Variants in RFTN1 observed in about 807,000 individuals in gnomAD.
RFTN1 encodes raftlin.
RFTN1 carries 26 observed loss-of-function variants against 46.5 expected under a neutral mutation model. The observed-to-expected ratio is 0.56, with a 90% CI of 0.41 to 0.78. The LOEUF is 0.78. Ranked by LOEUF, RFTN1 falls within the 30% of genes least tolerant of loss-of-function variation. The pLI, the probability that RFTN1 is intolerant of heterozygous loss-of-function variation, is 0.00. For synonymous variants in RFTN1, 261 were observed against 284.2 expected, an observed-to-expected ratio of 0.92 and a Z score of 0.82; for missense variants, 693 against 718.7, an observed-to-expected ratio of 0.96 and a Z score of 0.41.
At chr3:16,508,810 T>C (rs2076852531) in intron 1 of RFTN1, among the ~76,000 whole-genome samples, 1 of 137,530 alleles carries the variant, frequency 7.3e-6, no homozygotes, top group African/African-American at 2.8e-5. Flanking sequence ...GCCAAGTGTG[T>C]TACCAATTCT....
chr3:16,486,802 C>A (rs900840171), intron 2 of RFTN1, among the ~76,000 whole-genome samples: 1 of 152,204 alleles, frequency 6.6e-6, no homozygotes, highest in Non-Finnish European at 1.5e-5. Flanking sequence ...TGTGTCCTTC[C>A]AAATCATCCT....
At chr3:16,363,760 T>C (rs1298212441) in intron 6 of RFTN1, among the ~76,000 whole-genome samples, 1 of 152,056 alleles carries the variant, frequency 6.6e-6, no homozygotes, top group Non-Finnish European at 1.5e-5. Flanking sequence ...TTGTCCACCC[T>C]GGACTAGCTG....
chr3:16,455,458 AAATTAACACTGAAAC>A (rs2075889820), intron 2 of RFTN1, among the ~76,000 whole-genome samples: 1 of 152,210 alleles, frequency 6.6e-6, no homozygotes, highest in African/African-American at 2.4e-5. Context: ...ACAAGCATGC[AAATTAACACTGAAAC>A]CAGGCAAAGG....
rs902499181 is a variant in RFTN1, at chr3:16,320,031, G to A, written c.1333-2799C>T. Among the ~76,000 whole-genome samples the A allele has an allele frequency of 1.3e-5, 2 of 152,198 alleles. No individual in the cohort carries two copies. Among genetic ancestry groups the A allele is most frequent in the Non-Finnish European group, 2.9e-5 (2 of 68,030 alleles). On this transcript the variant is annotated intron_variant, in intron 9 of 9. Transcript: ENST00000334133. The surrounding 1 kb of genome is among the most constrained non-coding windows in gnomAD (Gnocchi z 4.5). ...GGTGTGTCACCAAATCCAATTAGCC[G>A]CCCAATTCAGAAATAACTGTCTAAA... is the stretch of plus-strand genomic sequence containing the variant.
rs1287452055 is a variant in RFTN1, at chr3:16,400,812, C to T, written c.441+8563G>A. Among the ~76,000 whole-genome samples, 1 of 152,114 alleles carries T rather than the reference C, an allele frequency of 6.6e-6. No homozygotes were observed. Among genetic ancestry groups the T allele is most frequent in the East Asian group, 1.9e-4 (1 of 5,184 alleles). On this transcript the variant is annotated intron_variant, in intron 4 of 9. Coordinates refer to ENST00000334133, the MANE Select transcript of RFTN1 (RefSeq NM_015150.2). This position sits in a 1 kb window ranked among gnomAD's most constrained non-coding sequence, Gnocchi z 4.5. ...AGAGGCCAGGGTGGGAGAGGAACTTCATAAGAAAACAGCGGCCTCCAGGCA... is the reference window on the plus strand; with the variant it reads ...AGAGGCCAGGGTGGGAGAGGAACTTTATAAGAAAACAGCGGCCTCCAGGCA...
chr3:16,400,581 C>T lies in RFTN1; in HGVS notation c.441+8794G>A, dbSNP rs534090232. Among the ~76,000 whole-genome samples the T allele has an allele frequency of 5.3e-5, 8 of 152,326 alleles. No homozygotes were observed. The highest frequency in any genetic ancestry group is 1.3e-4 in the Admixed American group (2 of 15,310). On this transcript the variant is annotated intron_variant, in intron 4 of 9. Transcript: ENST00000334133. This position sits in a 1 kb window ranked among gnomAD's most constrained non-coding sequence, Gnocchi z 4.5. ...AAAGATCTGTTCAAAGAAATGTGAA[C>T]GAAACCTGACCCACTGATGCTGGAC... is the stretch of plus-strand genomic sequence containing the variant.
At position 16,345,778 on chromosome 3, in the gene RFTN1, TAATA is replaced by T. The variant is rs1383264322; in HGVS notation, c.1146+12150_1146+12153del. 1.4e-5 allele frequency among the ~76,000 whole-genome samples: 2 copies of T among 138,016 alleles called. No homozygotes were observed. Among genetic ancestry groups the T allele is most frequent in the Admixed American group, 7.4e-5 (1 of 13,434 alleles). 90.5% of individuals were successfully genotyped at this position (138,016 alleles called of 152,430 possible). Reference sequence around the variant, plus strand: ...CATAATCACATGAGCCAAAACCTTATAATAAATCTCTGTGTGTGTGTGTGTGTGT... The same window carrying T: ...CATAATCACATGAGCCAAAACCTTATAATCTCTGTGTGTGTGTGTGTGTGT... On this transcript the variant is annotated intron_variant, in intron 7 of 9. Coordinates refer to ENST00000334133, the MANE Select transcript of RFTN1 (RefSeq NM_015150.2). This position sits in a 1 kb window ranked among gnomAD's most constrained non-coding sequence, Gnocchi z 5.2.
chr3:16,316,025 A>T lies in RFTN1; in HGVS notation c.*803T>A, dbSNP rs1264295104. On this transcript the variant is annotated 3_prime_UTR_variant, in exon 10 of 10. Coordinates refer to ENST00000334133, the MANE Select transcript of RFTN1 (RefSeq NM_015150.2). This position sits in a 1 kb window ranked among gnomAD's most constrained non-coding sequence, Gnocchi z 4.5. ...ATGATAAACACAGCATACATGGGTA[A>T]CAACTTGACCAATGTTACACTGATT... 1 of 152,480 alleles carries T rather than the reference A, an allele frequency of 6.6e-6. No homozygotes were observed. Among genetic ancestry groups the T allele is most frequent in the Admixed American group, 6.5e-5 (1 of 15,292 alleles). 9.4% of individuals were successfully genotyped at this position (152,480 alleles called of 1,614,324 possible). A position where few individuals can be genotyped will look rare whatever the true frequency, so the allele number is the denominator to read the frequency against.
intron 1 of RFTN1, among the ~76,000 whole-genome samples, chr3:16,495,774 G>C (rs376461667): frequency 6.6e-6 from 1 of 152,196 alleles, no homozygotes; most frequent in African/African-American, 2.4e-5. Flanking sequence ...ATTCGAAAAA[G>C]GTGCCCCCTC....
At chr3:16,510,505 G>A (rs1370826154) in intron 1 of RFTN1, among the ~76,000 whole-genome samples, 1 of 152,168 alleles carries the variant, frequency 6.6e-6, no homozygotes, top group Non-Finnish European at 1.5e-5. Flanking sequence ...CCCATTTTCA[G>A]GCAGAGTCAG....
rs1559328826 is a variant in RFTN1, at chr3:16,404,298, A to AATATATAATATATATTATATATT, written c.441+5076_441+5077insAATATATAATATATATTATATAT. ...ATAATATGTAATATATAATATATAT[A>AATATATAATATATATTATATATT]ATATGTAATATATATTATATATAAT... On this transcript the variant is annotated intron_variant, in intron 4 of 9. Coordinates refer to ENST00000334133, the MANE Select transcript of RFTN1 (RefSeq NM_015150.2). 1.5e-3 allele frequency among the ~76,000 whole-genome samples: 26 copies of AATATATAATATATATTATATATT among 16,958 alleles called. 4 individuals carry two copies. The highest frequency in any genetic ancestry group is 9.0e-3 in the African/African-American group (25 of 2,768). 11.1% of individuals were successfully genotyped at this position (16,958 alleles called of 152,430 possible).
At chr3:16,350,348 G>A (rs903183038) in intron 7 of RFTN1, 1 of 151,278 alleles carries the variant, frequency 6.6e-6, no homozygotes, top group African/African-American at 2.4e-5. Flanking sequence ...ACATGCATTT[G>A]TTTCTTTAGA....
chr3:16,328,457 C>T (rs1274423795), intron 7 of RFTN1, among the ~76,000 whole-genome samples: 1 of 152,188 alleles, frequency 6.6e-6, no homozygotes, highest in Non-Finnish European at 1.5e-5. Context: ...ACCTACCTGC[C>T]CTGTCTCTTC....
chr3:16,354,256 C>T (rs2125325938), intron 7 of RFTN1, among the ~76,000 whole-genome samples: 1 of 152,296 alleles, frequency 6.6e-6, no homozygotes, highest in South Asian at 2.1e-4. Flanking sequence ...GAGGAGGGGT[C>T]TTTCACCCTG....
At chr3:16,476,982 C>A (rs1047582536) in intron 2 of RFTN1, among the ~76,000 whole-genome samples, 1 of 152,178 alleles carries the variant, frequency 6.6e-6, no homozygotes, top group African/African-American at 2.4e-5. Flanking sequence ...TTTCTCTCCA[C>A]AGGGAGGCTG....
At chr3:16,340,933 A>G (rs909170317) in intron 7 of RFTN1, among the ~76,000 whole-genome samples, 1 of 152,260 alleles carries the variant, frequency 6.6e-6, no homozygotes, top group African/African-American at 2.4e-5. Flanking sequence ...TATCCAAAAT[A>G]TACAAAGAAT....
chr3:16,504,261 T>G lies in RFTN1; in HGVS notation c.-9+9181A>C, dbSNP rs1441005817. ...AACTGAAAGAAGAAATATTTTTTCT[T>G]TCATTCTTAACTAACCACAATTACT... On this transcript the variant is annotated intron_variant, in intron 1 of 9. Coordinates refer to ENST00000334133, the MANE Select transcript of RFTN1 (RefSeq NM_015150.2). This position sits in a 1 kb window ranked among gnomAD's most constrained non-coding sequence, Gnocchi z 4.4. Among the ~76,000 whole-genome samples, 1 of 152,212 alleles carries G rather than the reference T, an allele frequency of 6.6e-6. No homozygotes were observed. The highest frequency in any genetic ancestry group is 2.4e-5 in the African/African-American group (1 of 41,438).
At position 16,317,019 on chromosome 3, in the gene RFTN1, T is replaced by G; in HGVS notation, c.1546A>C (p.Lys516Gln). The change falls in exon 10 of 10, where the codon AAG becomes CAG. Residue 516 changes from lysine to glutamine, a missense_variant. Coordinates refer to ENST00000334133, the MANE Select transcript of RFTN1 (RefSeq NM_015150.2). This position sits in a 1 kb window ranked among gnomAD's most constrained non-coding sequence, Gnocchi z 4.3. ...EEMKGPVQED[K>Q]GEQLSPGGLL... is the part of the protein sequence containing the mutation. ...CCACCAGGGGACAGCTGTTCTCCCTTGTCCTCTTGGACAGGGCCCTTCATC... is the reference window on the plus strand; with the variant it reads ...CCACCAGGGGACAGCTGTTCTCCCTGGTCCTCTTGGACAGGGCCCTTCATC... The G allele has an allele frequency of 1.9e-6, 3 of 1,613,974 alleles. No homozygotes were observed. Among genetic ancestry groups the G allele is most frequent in the South Asian group, 1.1e-5 (1 of 91,074 alleles).
chr3:16,396,308 A>G (rs1436754004), intron 4 of RFTN1, among the ~76,000 whole-genome samples: 1 of 152,136 alleles, frequency 6.6e-6, no homozygotes, highest in East Asian at 1.9e-4. Context: ...TTTTTTTTAG[A>G]AACAGGATTT....
Sources: allele counts gnomAD v4.1 joint callset (sites outside exome capture counted in the v4.1 genomes callset), GRCh38; gene constraint gnomAD v4.1.1; non-coding constraint Gnocchi (gnomAD v3.1); transcripts MANE v1.5; gene names NCBI Gene and HGNC (gene_info 2026-07-23, HGNC 2026-07-21).